Variants in KCNAB1 observed in about 807,000 individuals in gnomAD.
The protein encoded by KCNAB1 is voltage-gated potassium channel subunit beta-1.
Under a neutral mutation model 64.6 loss-of-function variants are expected in KCNAB1, and 35 were observed. That is an observed-to-expected ratio of 0.54 (90% CI 0.41 to 0.72). The LOEUF (loss-of-function observed/expected upper bound fraction) is 0.72. Ranked by LOEUF, KCNAB1 falls within the 30% of genes least tolerant of loss-of-function variation. The pLI is 0.00. For missense variants in KCNAB1, 401 were observed against 512.9 expected, an observed-to-expected ratio of 0.78 and a Z score of 2.11; for synonymous variants, 177 against 183.8, an observed-to-expected ratio of 0.96 and a Z score of 0.30.
intron 1 of KCNAB1, among the ~76,000 whole-genome samples, chr3:156,301,695 C>A (rs1206378357): frequency 2.0e-5 from 3 of 152,118 alleles, no homozygotes; most frequent in Non-Finnish European, 2.9e-5. Flanking sequence ...CAGAAGTGAT[C>A]TTTTGGAAAT....
At chr3:156,192,345 G>C (rs559229439) in intron 1 of KCNAB1, among the ~76,000 whole-genome samples, 1 of 152,120 alleles carries the variant, frequency 6.6e-6, no homozygotes, top group South Asian at 2.1e-4. Flanking sequence ...ACTAGTTTTT[G>C]ATTTAATTCC....
chr3:156,347,779 C>T (rs1724579884), intron 1 of KCNAB1, among the ~76,000 whole-genome samples: 1 of 152,188 alleles, frequency 6.6e-6, no homozygotes, highest in African/African-American at 2.4e-5. Context: ...TTCTTAAAAT[C>T]CACTCATCTT....
chr3:156,449,057 A>G (rs1312660276), intron 2 of KCNAB1, among the ~76,000 whole-genome samples: 1 of 152,218 alleles, frequency 6.6e-6, no homozygotes, highest in East Asian at 1.9e-4. Flanking sequence ...CATCATGAAC[A>G]AAATAAGCTG....
chr3:156,186,695 T>C (rs1017402413), intron 1 of KCNAB1, among the ~76,000 whole-genome samples: 1 of 152,146 alleles, frequency 6.6e-6, no homozygotes, highest in African/African-American at 2.4e-5. Context: ...TCCATCCCTC[T>C]AGGAACACTG....
At chr3:156,484,629 G>A (rs919666268) in intron 8 of KCNAB1, among the ~76,000 whole-genome samples, 21 of 151,960 alleles carry the variant, frequency 1.4e-4, no homozygotes, top group African/African-American at 5.1e-4. Flanking sequence ...GACATGCAGA[G>A]GACTTGGAGA....
Position 156,292,961 on chromosome 3 carries a change from A to T in KCNAB1, c.276-128655A>T, listed in dbSNP as rs563123834. Among the ~76,000 whole-genome samples, 9 of 152,362 alleles carry T rather than the reference A, an allele frequency of 5.9e-5. No individual in the cohort carries two copies. In the South Asian group the frequency reaches 1.4e-3, roughly 25 times the overall value. ...AGATTGAATAGCCATATTTAAGCCT[A>T]AATTACTGCTTGAAATTAAATGTAG... On this transcript the variant is annotated intron_variant, in intron 1 of 13. Coordinates refer to ENST00000490337, the MANE Select transcript of KCNAB1 (RefSeq NM_172160.3).
intron 1 of KCNAB1, among the ~76,000 whole-genome samples, chr3:156,144,468 A>C (rs1013911859): frequency 1.3e-5 from 2 of 152,246 alleles, no homozygotes; most frequent in Non-Finnish European, 2.9e-5. Flanking sequence ...AGGGTTGTGC[A>C]GAAAAGAAAT....
At chr3:156,338,531 T>C (rs1301966702) in intron 1 of KCNAB1, among the ~76,000 whole-genome samples, 1 of 151,970 alleles carries the variant, frequency 6.6e-6, no homozygotes, top group Non-Finnish European at 1.5e-5. Context: ...AGGCTGGTCT[T>C]GAACTCCCGA....
intron 1 of KCNAB1, among the ~76,000 whole-genome samples, chr3:156,376,825 G>A (rs950662433): frequency 3.3e-5 from 5 of 152,040 alleles, no homozygotes; most frequent in African/African-American, 1.2e-4. Flanking sequence ...AGAGGAAGGA[G>A]TCAATGAAAA....
intron 1 of KCNAB1, among the ~76,000 whole-genome samples, chr3:156,316,286 C>G (rs1434758228): frequency 6.6e-6 from 1 of 152,238 alleles, no homozygotes; most frequent in Non-Finnish European, 1.5e-5. Flanking sequence ...CAGCTCTTTA[C>G]TGGGCTGGAA....
intron 1 of KCNAB1, among the ~76,000 whole-genome samples, chr3:156,386,307 C>T (rs1046253560): frequency 6.6e-5 from 10 of 152,202 alleles, no homozygotes; most frequent in African/African-American, 1.7e-4. Context: ...TGCCTTCATG[C>T]GCAGTGCCCT....
At chr3:156,383,401 AC>A (rs1712322169) in intron 1 of KCNAB1, among the ~76,000 whole-genome samples, 1 of 151,932 alleles carries the variant, frequency 6.6e-6, no homozygotes, top group Non-Finnish European at 1.5e-5. Context: ...TTGCCTGGAA[AC>A]CCTTTTGTAT....
chr3:156,463,587 T>C, intron 5 of KCNAB1, 115 bp from the exon 6 acceptor site: 1 of 850,932 alleles, frequency 1.2e-6, no homozygotes, highest in Non-Finnish European at 1.9e-6. Context: ...TTTACCAATT[T>C]TTAAAATGTG....
intron 1 of KCNAB1, among the ~76,000 whole-genome samples, chr3:156,252,715 A>G (rs1391315495): frequency 6.6e-6 from 1 of 152,164 alleles, no homozygotes; most frequent in Non-Finnish European, 1.5e-5. Context: ...AAGATGCATT[A>G]CTTGTAACAC....
intron 1 of KCNAB1, among the ~76,000 whole-genome samples, chr3:156,146,414 G>A (rs539829378): frequency 5.1e-4 from 78 of 152,276 alleles, no homozygotes; most frequent in African/African-American, 1.9e-3. Flanking sequence ...GTAAACACGA[G>A]CCTGAGTCAA....
At chr3:156,260,639 C>T (rs1157666006) in intron 1 of KCNAB1, among the ~76,000 whole-genome samples, 1 of 152,170 alleles carries the variant, frequency 6.6e-6, no homozygotes, top group African/African-American at 2.4e-5. Context: ...TCCATAAATA[C>T]AACACATTTT....
intron 8 of KCNAB1, among the ~76,000 whole-genome samples, chr3:156,497,952 C>G (rs1716119729): frequency 6.6e-6 from 1 of 152,148 alleles, no homozygotes; most frequent in Non-Finnish European, 1.5e-5. Context: ...CCAAAATAAA[C>G]TCACACTAAC....
chr3:156,358,082 G>C (rs575097816), intron 1 of KCNAB1, among the ~76,000 whole-genome samples: 1 of 152,172 alleles, frequency 6.6e-6, no homozygotes, highest in African/African-American at 2.4e-5. Flanking sequence ...AATTATTGTT[G>C]TTTTGAGTAA....
intron 8 of KCNAB1, among the ~76,000 whole-genome samples, chr3:156,507,879 A>G (rs1480587470): frequency 6.6e-6 from 1 of 152,178 alleles, no homozygotes; most frequent in Non-Finnish European, 1.5e-5. Flanking sequence ...TGTCAATATT[A>G]AACTATTATG....
Sources: gnomAD v4.1 joint callset for allele counts (sites outside exome capture counted in the v4.1 genomes callset) on GRCh38, gnomAD v4.1.1 for gene constraint, MANE v1.5 for transcripts, NCBI Gene and HGNC (gene_info 2026-07-23, HGNC 2026-07-21) for gene names.